Variants in ZNF541 observed in about 807,000 individuals in gnomAD.
ZNF541 encodes the protein zinc finger protein 541.
Under a neutral mutation model 123.5 loss-of-function variants are expected in ZNF541, and 23 were observed. That is an observed-to-expected ratio of 0.19 (90% confidence interval 0.13 to 0.26). The LOEUF (loss-of-function observed/expected upper bound fraction) is 0.26, where lower values mean the gene tolerates loss of function less well. Among genes scored for constraint, ZNF541 ranks in the 10% least tolerant of loss-of-function variants. The pLI, the probability that ZNF541 is intolerant of heterozygous loss-of-function variation, is 1.00. For missense variants in ZNF541, 1,612 were observed against 1,789.9 expected (o/e 0.90, Z 1.79); for synonymous variants, 751 against 754.5 (o/e 1.00, Z 0.08).
Position 47,545,121 on chromosome 19 carries a change from C to T in ZNF541, c.1408G>A (p.Asp470Asn). The change falls in exon 5 of 17, where the codon GAT becomes AAT. Residue 470 changes from aspartate (D) to asparagine (N), a missense_variant. Asp to Asn is a conservative substitution (Grantham distance 23, BLOSUM62 1). Coordinates refer to ENST00000391901, the MANE Select transcript of ZNF541 (RefSeq NM_001277075.3). This position sits in a 1 kb window ranked among gnomAD's most constrained non-coding sequence, Gnocchi z 7.5. ...SPPGPGGGLE[D>N]ALPFPAALLR... The stretch of plus-strand genomic sequence containing the variant: ...AGCGCGGCAGGGAAGGGCAGAGCAT[C>T]CTCCAGGCCACCGCCGGGGCCGGGC... 1 of 1,481,508 alleles carries T rather than the reference C, an allele frequency of 6.7e-7. No individual in the cohort carries two copies. The highest frequency in any genetic ancestry group is 8.9e-7 in the Non-Finnish European group (1 of 1,117,726). The allele number at this position is 1,481,508 out of a possible 1,614,324, so 91.8% of individuals were successfully genotyped here.
At chr19:47,531,535 T>C in intron 12 of ZNF541, 107 bp downstream of exon 12, 2 of 826,678 alleles carry the variant, frequency 2.4e-6, no homozygotes, top group Non-Finnish European at 3.6e-6. Flanking sequence ...ATGGGCGGCC[T>C]TCTTCCAGCT....
chr19:47,533,231 G>T (rs564162819), intron 9 of ZNF541, among the ~76,000 whole-genome samples: 2 of 151,702 alleles, frequency 1.3e-5, no homozygotes, highest in East Asian at 3.9e-4. Flanking sequence ...AAGTAGCCGG[G>T]CGTGGTAGTG....
chr19:47,524,734 C>T (rs1426903842), intron 14 of ZNF541, among the ~76,000 whole-genome samples: 1 of 150,408 alleles, frequency 6.6e-6, no homozygotes. Flanking sequence ...AAGAGTTATA[C>T]CAGAGCTAGG....
chr19:47,546,460 C>T (rs755372599), intron 4 of ZNF541, among the ~76,000 whole-genome samples: 1 of 151,002 alleles, frequency 6.6e-6, no homozygotes, highest in Non-Finnish European at 1.5e-5. Context: ...TGCAGTGAGC[C>T]GAGATCACAC....
intron 4 of ZNF541, among the ~76,000 whole-genome samples, chr19:47,546,857 C>T (rs1328426135): frequency 1.3e-5 from 2 of 152,118 alleles, no homozygotes. Flanking sequence ...GTAGCTGGGA[C>T]TACAGGTGCG....
chr19:47,544,907 A>C lies in ZNF541; in HGVS notation c.1622T>G (p.Leu541Arg). 6.5e-7 allele frequency: 1 copy of C among 1,535,858 alleles called. No homozygotes were observed. The highest frequency in any genetic ancestry group is 1.4e-5 in the African/African-American group (1 of 73,138). Residue 541 changes from leucine to arginine, a missense_variant, in exon 5 of 17, where the codon CTC becomes CGC. Coordinates refer to ENST00000391901, the MANE Select transcript of ZNF541 (RefSeq NM_001277075.3). ...AAGAGGTTCCTGCGACTTGAGGAAG[A>C]GCTGGCGGAAGAGCGGCGAGGCATC... is the stretch of plus-strand genomic sequence containing the variant. ...PADASPLFRQLFLKSQEPLVS... is the reference protein window; with the variant it reads ...PADASPLFRQRFLKSQEPLVS...
intron 2 of ZNF541, among the ~76,000 whole-genome samples, chr19:47,565,172 G>T (rs1971215667): frequency 6.6e-6 from 1 of 152,012 alleles, no homozygotes; most frequent in African/African-American, 2.4e-5. Flanking sequence ...GGTGGGAGGG[G>T]ATGAGGGATA....
At chr19:47,531,988 C>T in intron 11 of ZNF541, 140 bp downstream of exon 11, 1 of 1,215,618 alleles carries the variant, frequency 8.2e-7, no homozygotes, top group East Asian at 2.6e-5. Flanking sequence ...GCAACGCTGG[C>T]CAAGAGCCAG....
chr19:47,540,240 A>G lies in ZNF541; in HGVS notation c.2558T>C (p.Leu853Pro). The G allele has an allele frequency of 6.4e-7, 1 of 1,551,766 alleles. No homozygotes were observed. The highest frequency in any genetic ancestry group is 8.7e-7 in the Non-Finnish European group (1 of 1,147,016). Residue 853 changes from leucine to proline, a missense_variant, in exon 7 of 17, where the codon CTG (leucine) becomes CCG (proline). Physicochemically the swap from Leu to Pro is moderately conservative, Grantham distance 98 (BLOSUM62 -3). Around this residue, in one of 5 missense-constraint regions of ZNF541, gnomAD observed 1,080 missense variants for 1,013.8 expected, o/e 1.07. Coordinates refer to ENST00000391901, the MANE Select transcript of ZNF541 (RefSeq NM_001277075.3). ...CSQMFYTEKG[L>P]SSHMCFHSDQ... ...GCTGTGAAAACACATGTGGCTGCTC[A>G]GCCCTTTCTCCGTATAAAACATCTG...
intron 5 of ZNF541, among the ~76,000 whole-genome samples, chr19:47,542,805 A>G (rs1426067893): frequency 6.6e-6 from 1 of 151,750 alleles, no homozygotes; most frequent in African/African-American, 2.4e-5. Flanking sequence ...AATTAGCCAG[A>G]TGTGGTGGCG....
Position 47,545,445 on chromosome 19 carries a change from C to T in ZNF541, c.1084G>A (p.Ala362Thr). The change falls in exon 5 of 17, where the codon GCC becomes ACC. Residue 362 changes from alanine (A) to threonine (T), a missense_variant. Transcript: ENST00000391901. This position sits in a 1 kb window ranked among gnomAD's most constrained non-coding sequence, Gnocchi z 7.5. ...APNSRAAENG[A>T]PDPPEPEPDT... is the part of the protein sequence containing the mutation. ...GGCTCCGGCTCTGGCGGGTCGGGGG[C>T]GCCGTTCTCGGCGGCCCTGGAATTA... 1 of 1,474,968 alleles carries T rather than the reference C, an allele frequency of 6.8e-7. No homozygotes were observed. Among genetic ancestry groups the T allele is most frequent in the Non-Finnish European group, 9.0e-7 (1 of 1,110,644 alleles). 91.4% of individuals were successfully genotyped at this position (1,474,968 alleles called of 1,614,324 possible).
intron 14 of ZNF541, among the ~76,000 whole-genome samples, chr19:47,528,053 G>A (rs779101890): frequency 3.0e-4 from 37 of 125,296 alleles, no homozygotes; most frequent in Non-Finnish European, 4.9e-4. Flanking sequence ...CGTGGCTCAC[G>A]CCTGTAATCC....
chr19:47,521,202 T>G lies in ZNF541; in HGVS notation c.*22A>C. 2 of 1,548,900 alleles carry G rather than the reference T, an allele frequency of 1.3e-6. No homozygotes were observed. Among genetic ancestry groups the G allele is most frequent in the Non-Finnish European group, 1.7e-6 (2 of 1,145,452 alleles). ...AGGAGGGGCAGCACTGGAGGCCCCA[T>G]TCGGACTTGCTGCCACGGGAGTCAC... On this transcript the variant is annotated 3_prime_UTR_variant, in exon 17 of 17. Transcript: ENST00000391901. The surrounding 1 kb of genome is among the most constrained non-coding windows in gnomAD (Gnocchi z 4.2).
intron 14 of ZNF541, among the ~76,000 whole-genome samples, chr19:47,526,736 G>A (rs976652496): frequency 1.3e-5 from 2 of 152,168 alleles, no homozygotes; most frequent in African/African-American, 4.8e-5. Context: ...CCTGCCGGTA[G>A]GAATGTGAAA....
intron 14 of ZNF541, among the ~76,000 whole-genome samples, chr19:47,525,218 G>A (rs1448616475): frequency 6.6e-6 from 1 of 151,698 alleles, no homozygotes; most frequent in African/African-American, 2.4e-5. Flanking sequence ...CCGGGAGGTG[G>A]ACGTTGCAGT....
In ZNF541 at chr19:47,544,703, T is replaced by C. The variant is rs1403628524; in HGVS notation, c.1826A>G (p.Asp609Gly). 6.6e-7 allele frequency: 1 copy of C among 1,513,256 alleles called. No homozygotes were observed. The allele number at this position is 1,513,256 out of a possible 1,614,324, so 93.7% of individuals were successfully genotyped here. Reference protein sequence around the residue: ...QQPPPLAPAVDSLHAGPGNPE... With the variant: ...QQPPPLAPAVGSLHAGPGNPE... ...GTTTCCAGGGCCGGCGTGGAGAGAG[T>C]CCACAGCAGGAGCCAGTGGTGGGGG... The change falls in exon 5 of 17, where the codon GAC becomes GGC. Residue 609 changes from aspartate (D) to glycine (G), a missense_variant. This residue lies in a region of ZNF541 where 1,080 missense variants were observed against 1,013.8 expected (regional missense o/e 1.07). Transcript: ENST00000391901.
At chr19:47,540,045 A>G (rs1970010852) in intron 7 of ZNF541, 131 bp downstream of exon 7, 1 of 1,422,466 alleles carries the variant, frequency 7.0e-7, no homozygotes, top group Non-Finnish European at 9.3e-7. Flanking sequence ...CTGGAGAGCC[A>G]CACAGCCTGA....
upstream of ZNF541, among the ~76,000 whole-genome samples, chr19:47,573,298 G>C (rs1449882048): frequency 2.0e-5 from 3 of 151,972 alleles, no homozygotes; most frequent in Non-Finnish European, 4.4e-5. Flanking sequence ...GCGCGCTCTC[G>C]GCTGCTTCTC....
In ZNF541 at chr19:47,570,193, G is replaced by C. The variant is rs143064152; in HGVS notation, c.-99+1703C>G. On this transcript the variant is annotated intron_variant, in intron 2 of 16. Coordinates refer to ENST00000391901, the MANE Select transcript of ZNF541 (RefSeq NM_001277075.3). ...GGAGGCTGAGGCAGGAGAATGGTGT[G>C]AACCCAGGAGGTAGAGCTTGCAGCA... Among the ~76,000 whole-genome samples, 411 of 151,712 alleles carry C rather than the reference G, an allele frequency of 2.7e-3. 3 individuals carry two copies. Among genetic ancestry groups the C allele is most frequent in the African/African-American group, 9.5e-3 (393 of 41,318 alleles).
Sources: allele counts gnomAD v4.1 joint callset (sites outside exome capture counted in the v4.1 genomes callset), GRCh38; gene constraint gnomAD v4.1.1; regional missense constraint gnomAD v4.1.1; non-coding constraint Gnocchi (gnomAD v3.1); transcripts MANE v1.5; gene names NCBI Gene and HGNC (gene_info 2026-07-23, HGNC 2026-07-21).